Variants in CHL1 observed in about 807,000 individuals in gnomAD.
The protein encoded by CHL1 is cell adhesion molecule L1 like.
A neutral mutation model predicts 141.9 loss-of-function variants in CHL1; 96 were observed. That is an observed-to-expected ratio of 0.68 (90% confidence interval 0.57 to 0.80). The LOEUF (loss-of-function observed/expected upper bound fraction) is 0.80, where lower values mean the gene tolerates loss of function less well. CHL1 is among the 30% of genes least tolerant of loss of function. The pLI, the probability that CHL1 is intolerant of heterozygous loss-of-function variation, is 0.00. For synonymous variants in CHL1, 613 were observed against 502.2 expected, an observed-to-expected ratio of 1.22 and a Z score of -2.95; for missense variants, 1,820 against 1,457.2, an observed-to-expected ratio of 1.25 and a Z score of -4.05.
Position 376,974 on chromosome 3 carries a change from T to C in CHL1, c.1752-844T>C, listed in dbSNP as rs1706401737. On this transcript the variant is annotated intron_variant, in intron 15 of 27. Coordinates refer to ENST00000256509, the MANE Select transcript of CHL1 (RefSeq NM_006614.4). ...ATAATTCAAAATTCTCAGCATTTTATATGAAATGTACATAAAAATATTAAT... is the reference window on the plus strand; with the variant it reads ...ATAATTCAAAATTCTCAGCATTTTACATGAAATGTACATAAAAATATTAAT... Among the ~76,000 whole-genome samples, 4 of 152,240 alleles carry C rather than the reference T, an allele frequency of 2.6e-5. No individual in the cohort carries two copies. In the South Asian group the frequency reaches 8.3e-4, roughly 31 times the overall value.
Position 396,070 on chromosome 3 carries a change from TA to T in CHL1, c.3094+1202del, listed in dbSNP as rs576401012. Among the ~76,000 whole-genome samples, 62 of 152,300 alleles carry T rather than the reference TA, an allele frequency of 4.1e-4. No homozygotes were observed. The South Asian group carries it at 0.012, about 31-fold the overall frequency. On this transcript the variant is annotated intron_variant, in intron 24 of 27. Coordinates refer to ENST00000256509, the MANE Select transcript of CHL1 (RefSeq NM_006614.4). ...GTTTTTCTCAGATTCCTTAAACATT[TA>T]AAAGCCCTTTATGTGGGAAAATTGT... is the stretch of plus-strand genomic sequence containing the variant.
At chr3:376,525 C>A in intron 15 of CHL1, 1 of 436,956 alleles carries the variant, frequency 2.3e-6, no homozygotes, top group Non-Finnish European at 4.5e-6. Context: ...GGAAACAAGG[C>A]ATAGTGCAAC....
intron 3 of CHL1, among the ~76,000 whole-genome samples, chr3:325,300 T>G (rs1440107348): frequency 1.3e-5 from 2 of 152,052 alleles, no homozygotes; most frequent in African/African-American, 4.8e-5. Context: ...CTATTTTTGT[T>G]ATTTGTGTAT....
At chr3:354,039 C>CTGCAT (rs1295468939) in intron 10 of CHL1, among the ~76,000 whole-genome samples, 2 of 152,070 alleles carry the variant, frequency 1.3e-5, no homozygotes, top group Non-Finnish European at 2.9e-5. Context: ...GTATATTTTG[C>CTGCAT]TGCATTGTTT....
intron 2 of CHL1, among the ~76,000 whole-genome samples, chr3:282,080 C>CT (rs1377376008): frequency 1.3e-5 from 2 of 151,902 alleles, no homozygotes; most frequent in African/African-American, 4.8e-5. Context: ...TCATATCTGC[C>CT]TTGTTTTTCA....
At chr3:298,209 A>G (rs1309497527) in intron 2 of CHL1, among the ~76,000 whole-genome samples, 2 of 152,198 alleles carry the variant, frequency 1.3e-5, no homozygotes, top group African/African-American at 4.8e-5. Flanking sequence ...TCTTTCAGAA[A>G]ACACTTACTG....
chr3:387,508 A>G (rs1311449836), intron 19 of CHL1, among the ~76,000 whole-genome samples: 1 of 152,204 alleles, frequency 6.6e-6, no homozygotes, highest in African/African-American at 2.4e-5. Flanking sequence ...TATAGCTAAA[A>G]TATTTTTGTT....
intron 2 of CHL1, among the ~76,000 whole-genome samples, chr3:252,517 G>T (rs528218239): frequency 6.6e-6 from 1 of 150,588 alleles, no homozygotes; most frequent in Admixed American, 6.6e-5. Context: ...TATTAAATAG[G>T]TATACCAGGT....
intron 5 of CHL1, among the ~76,000 whole-genome samples, chr3:333,891 C>T (rs1192738386): frequency 6.6e-6 from 1 of 152,154 alleles, no homozygotes; most frequent in East Asian, 1.9e-4. Context: ...ACTTAGCATT[C>T]CTGGCCTATT....
At chr3:391,822 T>G (rs766121202) in intron 23 of CHL1, 25 bp downstream of exon 23, 1 of 1,553,472 alleles carries the variant, frequency 6.4e-7, no homozygotes, top group Admixed American at 1.9e-5. Context: ...GAATTGGAGT[T>G]AACTTGTTAA....
At chr3:213,062 A>G (rs1700028321) in intron 1 of CHL1, 1 of 152,240 alleles carries the variant, frequency 6.6e-6, no homozygotes, top group Non-Finnish European at 1.5e-5. Flanking sequence ...ACTTGAAGTC[A>G]TTGCATTTTA....
intron 5 of CHL1, among the ~76,000 whole-genome samples, chr3:336,262 C>T (rs1449578311): frequency 1.3e-5 from 2 of 152,118 alleles, no homozygotes; most frequent in Non-Finnish European, 2.9e-5. Flanking sequence ...ACAGTATCAT[C>T]TAGAAATAGG....
intron 15 of CHL1, among the ~76,000 whole-genome samples, chr3:366,458 G>C (rs1257131991): frequency 3.2e-5 from 4 of 124,686 alleles, no homozygotes; most frequent in African/African-American, 1.1e-4. Context: ...GGGACAGAGA[G>C]AGACTCTGTC....
In CHL1 at chr3:326,004, C is replaced by T; in HGVS notation, c.137C>T (p.Ala46Val). 1 of 1,611,794 alleles carries T rather than the reference C, an allele frequency of 6.2e-7. No individual in the cohort carries two copies. The highest frequency in any genetic ancestry group is 8.5e-7 in the Non-Finnish European group (1 of 1,178,610). ...TIIKQSKVQV[A>V]FPFDEYFQIE... ...ATAAAACAGTCAAAAGTCCAAGTTG[C>T]CTTTCCCTTCGATGAGTATTTTCAA... Residue 46 changes from alanine to valine, a missense_variant, in exon 4 of 28, where the codon GCC (alanine) becomes GTC (valine). Ala to Val is a moderately conservative substitution (Grantham distance 64). Transcript: ENST00000256509.
intron 11 of CHL1, among the ~76,000 whole-genome samples, chr3:359,966 C>T (rs1217135549): frequency 1.3e-5 from 2 of 152,134 alleles, no homozygotes; most frequent in East Asian, 3.9e-4. Context: ...CAGAGTGTCA[C>T]TTCATCATAG....
At chr3:201,111 A>G (rs1698889500) in intron 1 of CHL1, among the ~76,000 whole-genome samples, 1 of 152,228 alleles carries the variant, frequency 6.6e-6, no homozygotes, top group Admixed American at 6.5e-5. Context: ...ATTGGTTGGA[A>G]TTCTGTATCA....
At chr3:306,196 G>A (rs1199110787) in intron 2 of CHL1, among the ~76,000 whole-genome samples, 1 of 152,174 alleles carries the variant, frequency 6.6e-6, no homozygotes, top group East Asian at 1.9e-4. Context: ...CGATCAATCA[G>A]TGTTGACAGC....
intron 1 of CHL1, among the ~76,000 whole-genome samples, chr3:228,165 A>G (rs539324423): frequency 1.3e-5 from 2 of 152,346 alleles, no homozygotes; most frequent in African/African-American, 2.4e-5. Flanking sequence ...ATTGGAATGT[A>G]TAGTCTTAAA....
At chr3:268,616 G>C (rs1008621400) in intron 2 of CHL1, among the ~76,000 whole-genome samples, 4 of 152,124 alleles carry the variant, frequency 2.6e-5, no homozygotes, top group Non-Finnish European at 5.9e-5. Context: ...TTTTGGATTA[G>C]ATTTCCTACT....
Sources: gnomAD v4.1 joint callset for allele counts (sites outside exome capture counted in the v4.1 genomes callset) on GRCh38, gnomAD v4.1.1 for gene constraint, MANE v1.5 for transcripts, NCBI Gene and HGNC (gene_info 2026-07-23, HGNC 2026-07-21) for gene names.